Variants in STMN4 observed in about 807,000 individuals in gnomAD.
STMN4 encodes the protein stathmin 4, also known as stathmin-4.
Under a neutral mutation model 29.1 loss-of-function variants are expected in STMN4, and 12 were observed. The ratio of observed to expected loss-of-function variants is 0.41; its 90% confidence interval spans 0.26 to 0.67. The LOEUF (loss-of-function observed/expected upper bound fraction) is 0.67, where lower values mean the gene tolerates loss of function less well. Among genes scored for constraint, STMN4 ranks in the 30% least tolerant of loss-of-function variants. STMN4 has a pLI of 0.30. For missense variants in STMN4, 181 were observed against 262.8 expected (o/e 0.69, Z 2.15); for synonymous variants, 114 against 105.3 (o/e 1.08, Z -0.51).
Position 27,241,712 on chromosome 8 carries a change from T to C in STMN4, c.155A>G (p.Lys52Arg), listed in dbSNP as rs1801480106. The part of the protein sequence containing the change: ...QCRRKDESQR[K>R]DSADWRERRA... ...TCTTTCTCTCCAGTCAGCACTGTCT[T>C]TCCGCTGGCTTTCATCCTTCCTCCT... Residue 52 changes from lysine (K) to arginine (R), a missense_variant, in exon 4 of 7, where the codon AAA becomes AGA. By Grantham distance (26) the Lys-to-Arg change is conservative (BLOSUM62 2). Coordinates refer to ENST00000350889, the MANE Select transcript of STMN4 (RefSeq NM_030795.4). 1 of 1,614,184 alleles carries C rather than the reference T, an allele frequency of 6.2e-7. No individual in the cohort carries two copies.
chr8:27,250,721 T>C (rs1293100870), intron 1 of STMN4, among the ~76,000 whole-genome samples: 1 of 152,152 alleles, frequency 6.6e-6, no homozygotes, highest in Non-Finnish European at 1.5e-5. Flanking sequence ...GAAGAGATGA[T>C]GGGGACCTGG....
At chr8:27,242,995 A>G (rs1319937868) in intron 2 of STMN4, among the ~76,000 whole-genome samples, 2 of 152,122 alleles carry the variant, frequency 1.3e-5, no homozygotes, top group African/African-American at 4.8e-5. Context: ...AGGTCAGGCT[A>G]TAAGCCTTCT....
chr8:27,245,087 C>A (rs1368148010), intron 1 of STMN4, among the ~76,000 whole-genome samples: 3 of 152,168 alleles, frequency 2.0e-5, no homozygotes, highest in Non-Finnish European at 4.4e-5. Flanking sequence ...TAGGGCTAGA[C>A]CAGTGTGGGG....
rs760752973 is a variant in STMN4 at position 27,241,719 on chromosome 8, G to A, written c.148C>T (p.Gln50Ter). The A allele has an allele frequency of 6.2e-7, 1 of 1,614,168 alleles. No individual in the cohort carries two copies. The highest frequency in any genetic ancestry group is 1.1e-5 in the South Asian group (1 of 91,086). ...CTCCAGTCAGCACTGTCTTTCCGCTGGCTTTCATCCTTCCTCCTACACTGT... is the reference window on the plus strand; with the variant it reads ...CTCCAGTCAGCACTGTCTTTCCGCTAGCTTTCATCCTTCCTCCTACACTGT... ...GRQCRRKDES[Q>*]RKDSADWRER... Residue 50 changes from glutamine (Q) to a stop codon, truncating the protein, a stop_gained, in exon 4 of 7, where the codon CAG becomes TAG. Coordinates refer to ENST00000350889, the MANE Select transcript of STMN4 (RefSeq NM_030795.4). LOFTEE classifies it high-confidence loss of function.
At position 27,236,200 on chromosome 8, in the gene STMN4, CA is replaced by C. The variant is rs1410617685; in HGVS notation, c.*645del. The C allele has an allele frequency of 1.3e-5, 2 of 152,202 alleles. No individual in the cohort carries two copies. Among genetic ancestry groups the C allele is most frequent in the African/African-American group, 4.8e-5 (2 of 41,426 alleles). The allele number at this position is 152,202 out of a possible 1,614,324, so 9.4% of individuals were successfully genotyped here. A position where few individuals can be genotyped will look rare whatever the true frequency, so the allele number is the denominator to read the frequency against. ...TGCTTGAATGGCAGAATTAAGGAAG[CA>C]AAGGGGCATCTGCCATCAGATGGAT... On this transcript the variant is annotated 3_prime_UTR_variant, in exon 7 of 7. Coordinates refer to ENST00000350889, the MANE Select transcript of STMN4 (RefSeq NM_030795.4).
intron 1 of STMN4, among the ~76,000 whole-genome samples, chr8:27,250,048 TG>T (rs1801739823): frequency 6.6e-6 from 1 of 152,156 alleles, no homozygotes. Context: ...CTCATGGTTG[TG>T]GGGGCAATGA....
chr8:27,254,715 T>C (rs1033307053), intron 1 of STMN4, among the ~76,000 whole-genome samples: 1 of 129,542 alleles, frequency 7.7e-6, no homozygotes, highest in African/African-American at 3.1e-5. Flanking sequence ...TATATGTGTG[T>C]GTAGGGGATG....
At chr8:27,238,097 T>G (rs970238355) in intron 6 of STMN4, among the ~76,000 whole-genome samples, 1 of 151,892 alleles carries the variant, frequency 6.6e-6, no homozygotes, top group Non-Finnish European at 1.5e-5. Context: ...GAGTGAGGAG[T>G]GGTGTGCACA....
intron 1 of STMN4, among the ~76,000 whole-genome samples, chr8:27,247,326 T>A (rs1329764705): frequency 6.6e-6 from 1 of 151,494 alleles, no homozygotes; most frequent in Non-Finnish European, 1.5e-5. Context: ...TAAATCCTCA[T>A]GCCAACAGTC....
chr8:27,238,943 C>T (rs551332163), intron 6 of STMN4, among the ~76,000 whole-genome samples: 1 of 152,324 alleles, frequency 6.6e-6, no homozygotes, highest in South Asian at 2.1e-4. Flanking sequence ...TTAGCCCAAC[C>T]CCAGGTTTTT....
chr8:27,241,026 G>A (rs773757764), intron 5 of STMN4, 28 bp downstream of exon 5: 6 of 1,596,600 alleles, frequency 3.8e-6, no homozygotes, highest in South Asian at 3.4e-5. Context: ...TGCTGAGAGG[G>A]AGGAAAGAAG....
chr8:27,242,410 G>C lies in STMN4; in HGVS notation c.96C>G (p.Ser32=). ...GCCTTCACTGACCTTCATATTTGTA[G>C]GACGACTTATTCAGGGGATCGGCCA... ...CFLADPLNKS[S]YKYEGWCGRQ... The change falls in exon 3 of 7, where the codon TCC becomes TCG. Residue 32 remains serine (S), a synonymous_variant. Transcript: ENST00000350889. The C allele has an allele frequency of 6.2e-7, 1 of 1,614,152 alleles. No individual in the cohort carries two copies. The highest frequency in any genetic ancestry group is 8.5e-7 in the Non-Finnish European group (1 of 1,179,996).
rs1377783963 is a variant in STMN4, at chr8:27,236,225, A to G, written c.*621T>C. The G allele has an allele frequency of 6.6e-6, 1 of 152,312 alleles. No individual in the cohort carries two copies. The highest frequency in any genetic ancestry group is 1.5e-5 in the Non-Finnish European group (1 of 68,042). 9.4% of individuals were successfully genotyped at this position (152,312 alleles called of 1,614,324 possible). A position where few individuals can be genotyped will look rare whatever the true frequency, so the allele number is the denominator to read the frequency against. On this transcript the variant is annotated 3_prime_UTR_variant, in exon 7 of 7. Coordinates refer to ENST00000350889, the MANE Select transcript of STMN4 (RefSeq NM_030795.4). ...CAAAGGGGCATCTGCCATCAGATGG[A>G]TGAAAGCCAGGTTTCGAGAACTTTT...
intron 2 of STMN4, 114 bp downstream of exon 2, chr8:27,243,597 C>T: frequency 1.7e-6 from 2 of 1,153,152 alleles, no homozygotes; most frequent in South Asian, 1.2e-5. Flanking sequence ...TGCACCCCCC[C>T]ACACACCCCG....
intron 6 of STMN4, among the ~76,000 whole-genome samples, chr8:27,237,241 T>C (rs1159026659): frequency 6.6e-6 from 1 of 152,128 alleles, no homozygotes; most frequent in East Asian, 1.9e-4. Flanking sequence ...TGACTTAATA[T>C]AAGGAGCTGC....
At chr8:27,242,257 C>T in intron 3 of STMN4, 140 bp downstream of exon 3, 1 of 861,200 alleles carries the variant, frequency 1.2e-6, no homozygotes, top group Non-Finnish European at 1.8e-6. Flanking sequence ...TCGGGCTCAC[C>T]CGCTGTGATT....
intron 1 of STMN4, among the ~76,000 whole-genome samples, chr8:27,254,971 G>A (rs750541829): frequency 8.6e-5 from 13 of 151,912 alleles, no homozygotes; most frequent in Admixed American, 4.6e-4. Flanking sequence ...AGATGTGGGG[G>A]TTCATGTGTG....
intron 1 of STMN4, among the ~76,000 whole-genome samples, chr8:27,244,468 A>G (rs1450995356): frequency 2.6e-5 from 4 of 152,174 alleles, no homozygotes; most frequent in Non-Finnish European, 5.9e-5. Flanking sequence ...TGTGGGACAC[A>G]GAGATAGGGC....
intron 2 of STMN4, 85 bp from the exon 3 acceptor site, chr8:27,242,577 C>T (rs1801508021): frequency 4.3e-6 from 6 of 1,394,758 alleles, no homozygotes; most frequent in African/African-American, 1.4e-5. Flanking sequence ...CTCTGAGCAG[C>T]CCAGGGTTCC....
Sources: allele counts gnomAD v4.1 joint callset (sites outside exome capture counted in the v4.1 genomes callset), GRCh38; gene constraint gnomAD v4.1.1; transcripts MANE v1.5; gene names NCBI Gene and HGNC (gene_info 2026-07-23, HGNC 2026-07-21).